The following KANK4 variants were observed in gnomAD, a reference collection of about 807,000 sequenced individuals.
The protein encoded by KANK4 is KN motif and ankyrin repeat domain-containing protein 4.
Under a neutral mutation model 80.8 loss-of-function variants are expected in KANK4, and 50 were observed. That is an observed-to-expected ratio of 0.62 (90% confidence interval 0.49 to 0.78). The LOEUF is 0.78. KANK4 is among the 30% of genes least tolerant of loss of function. The probability of loss-of-function intolerance (pLI) is 0.00; values close to 1 mark genes in which losing one functional copy is unlikely to be tolerated. For missense variants in KANK4, 1,196 were observed against 1,240.1 expected, an observed-to-expected ratio of 0.96 and a Z score of 0.53; for synonymous variants, 465 against 506.9, an observed-to-expected ratio of 0.92 and a Z score of 1.11.
intron 1 of KANK4, among the ~76,000 whole-genome samples, chr1:62,305,582 A>G (rs936417828): frequency 4.6e-5 from 7 of 152,040 alleles, no homozygotes; most frequent in African/African-American, 1.7e-4. Flanking sequence ...AAGTTCAGGG[A>G]TTACAGGTGT....
At chr1:62,263,512 A>C (rs1282745370) in intron 6 of KANK4, 1 of 569,260 alleles carries the variant, frequency 1.8e-6, no homozygotes, top group African/African-American at 1.9e-5. Flanking sequence ...CCCCTCTGGG[A>C]GTGGAAAGGA....
intron 7 of KANK4, among the ~76,000 whole-genome samples, chr1:62,260,984 C>T (rs539522515): frequency 1.1e-4 from 17 of 152,198 alleles, no homozygotes; most frequent in Admixed American, 7.9e-4. Flanking sequence ...TGCACATTTC[C>T]GCAGAGATGA....
At chr1:62,279,527 T>C (rs1410097913) in intron 2 of KANK4, among the ~76,000 whole-genome samples, 1 of 152,238 alleles carries the variant, frequency 6.6e-6, no homozygotes, top group Non-Finnish European at 1.5e-5. Flanking sequence ...CTGGCTGGAT[T>C]TGAATCATGG....
Position 62,271,469 on chromosome 1 carries a change from G to A in KANK4, c.2012+9C>T, listed in dbSNP as rs373720870. On this transcript the variant is annotated intron_variant, in intron 4 of 9. Coordinates refer to ENST00000371153, the MANE Select transcript of KANK4 (RefSeq NM_181712.5). ...GAAAGGCAGTCTGAGCTTCACAAGCGATGCTTACCCACCGTTAACCCCAAC... is the reference window on the plus strand; with the variant it reads ...GAAAGGCAGTCTGAGCTTCACAAGCAATGCTTACCCACCGTTAACCCCAAC... 4.4e-5 allele frequency: 70 copies of A among 1,579,428 alleles called. No individual in the cohort carries two copies. The highest frequency in any genetic ancestry group is 5.2e-5 in the Non-Finnish European group (60 of 1,148,612).
In KANK4 at chr1:62,268,154, T is replaced by C. The variant is rs17123303; in HGVS notation, c.2231+133A>G. 57,585 of 748,530 alleles carry C rather than the reference T, an allele frequency of 0.077. 3,975 individuals carry two copies. Among genetic ancestry groups the C allele is most frequent in the African/African-American group, 0.26 (14,924 of 56,678 alleles). 46.4% of individuals were successfully genotyped at this position (748,530 alleles called of 1,614,324 possible). On this transcript the variant is annotated intron_variant, in intron 5 of 9. Coordinates refer to ENST00000371153, the MANE Select transcript of KANK4 (RefSeq NM_181712.5). ...ATTCAACCAGTGCACAGTGTGGGCA[T>C]GAAACAGAGACTTAAACAACACTGG...
At chr1:62,305,559 C>A (rs1644444768) in intron 1 of KANK4, among the ~76,000 whole-genome samples, 1 of 152,068 alleles carries the variant, frequency 6.6e-6, no homozygotes, top group Non-Finnish European at 1.5e-5. Context: ...GATCCACCTG[C>A]CTCAGCCTCC....
intron 1 of KANK4, among the ~76,000 whole-genome samples, chr1:62,288,607 C>G (rs1202494327): frequency 2.0e-5 from 3 of 152,096 alleles, no homozygotes; most frequent in Non-Finnish European, 4.4e-5. Context: ...TGCAGCCATC[C>G]AGGAGGGAAA....
At chr1:62,304,010 A>G (rs1644432213) in intron 1 of KANK4, among the ~76,000 whole-genome samples, 1 of 151,944 alleles carries the variant, frequency 6.6e-6, no homozygotes, top group Admixed American at 6.6e-5. Context: ...AGTAGCTGGG[A>G]CTACAGGCAC....
chr1:62,282,521 G>C (rs1672473682), intron 1 of KANK4, among the ~76,000 whole-genome samples: 1 of 152,128 alleles, frequency 6.6e-6, no homozygotes, highest in Non-Finnish European at 1.5e-5. Context: ...GTGAACCAGT[G>C]ATGAGGGAAG....
At position 62,284,782 on chromosome 1, in the gene KANK4, T is replaced by C. The variant is rs144560507; in HGVS notation, c.-70-3148A>G. On this transcript the variant is annotated intron_variant, in intron 1 of 9. Transcript: ENST00000371153. ...TCTCCATAGCTCATCATATTCTAGA[T>C]GTTTTGGGCATACATAGCTTGCTTT... Among the ~76,000 whole-genome samples, 29 of 152,334 alleles carry C rather than the reference T, an allele frequency of 1.9e-4. No individual in the cohort carries two copies. In the East Asian group the frequency reaches 5.6e-3, roughly 29 times the overall value.
chr1:62,268,212 C>T (rs1672071462), intron 5 of KANK4, 75 bp downstream of exon 5: 6 of 1,144,168 alleles, frequency 5.2e-6, no homozygotes, highest in East Asian at 2.4e-5. Flanking sequence ...AACAAATGAT[C>T]GCATGAACGG....
At chr1:62,264,009 G>A (rs954592846) in intron 6 of KANK4, among the ~76,000 whole-genome samples, 1 of 152,158 alleles carries the variant, frequency 6.6e-6, no homozygotes, top group Admixed American at 6.5e-5. Context: ...TGTTTAAAGG[G>A]TATTTACCTA....
chr1:62,317,390 C>T (rs1644550362), intron 1 of KANK4, among the ~76,000 whole-genome samples: 1 of 152,184 alleles, frequency 6.6e-6, no homozygotes, highest in African/African-American at 2.4e-5. Flanking sequence ...CCAAGGTGCA[C>T]ACATGGGGCA....
chr1:62,265,406 A>ATTTTTTGTAT (rs1018030279), intron 6 of KANK4, among the ~76,000 whole-genome samples: 3 of 151,366 alleles, frequency 2.0e-5, no homozygotes, highest in African/African-American at 7.3e-5. Context: ...TGCCAGGCTA[A>ATTTTTTGTAT]TTTTTTGTAT....
At chr1:62,243,059 T>G (rs1446635260) in intron 9 of KANK4, among the ~76,000 whole-genome samples, 1 of 152,164 alleles carries the variant, frequency 6.6e-6, no homozygotes, top group East Asian at 1.9e-4. Flanking sequence ...GTGGGCCCAT[T>G]ACCTGCACTA....
intron 3 of KANK4, 91 bp downstream of exon 3, chr1:62,273,113 G>T: frequency 1.1e-6 from 1 of 941,806 alleles, no homozygotes; most frequent in Non-Finnish European, 1.5e-6. Flanking sequence ...TTAAAAACAT[G>T]TTAATATAAT....
At chr1:62,238,451 G>A in intron 9 of KANK4, 70 bp from the exon 10 acceptor site, 1 of 1,345,668 alleles carries the variant, frequency 7.4e-7, no homozygotes, top group Non-Finnish European at 1.1e-6. Flanking sequence ...AGAAGGGCAA[G>A]TTGGGAGTAG....
chr1:62,286,234 A>G (rs1672561749), intron 1 of KANK4, among the ~76,000 whole-genome samples: 1 of 152,228 alleles, frequency 6.6e-6, no homozygotes, highest in Non-Finnish European at 1.5e-5. Context: ...AGCCCACAGC[A>G]GGGAGGACTC....
chr1:62,306,526 C>T (rs187794685), intron 1 of KANK4, among the ~76,000 whole-genome samples: 1 of 151,990 alleles, frequency 6.6e-6, no homozygotes, highest in African/African-American at 2.4e-5. Context: ...ATGCTCTAAC[C>T]ACCAGTTCTT....
Sources: allele counts gnomAD v4.1 joint callset (sites outside exome capture counted in the v4.1 genomes callset), GRCh38; gene constraint gnomAD v4.1.1; transcripts MANE v1.5; gene names NCBI Gene and HGNC (gene_info 2026-07-23, HGNC 2026-07-21).